The following KTN1 variants were observed in gnomAD, a reference collection of about 807,000 sequenced individuals.
The protein encoded by KTN1 is kinectin 1, also known as kinectin.
KTN1 carries 130 observed loss-of-function variants against 222.5 expected under a neutral mutation model. The observed-to-expected ratio is 0.58, with a 90% CI of 0.51 to 0.68. The LOEUF (loss-of-function observed/expected upper bound fraction) is 0.68, where lower values mean the gene tolerates loss of function less well. Ranked by LOEUF, KTN1 falls within the 30% of genes least tolerant of loss-of-function variation. The pLI is 0.00. For synonymous variants in KTN1, 512 were observed against 496.3 expected, an observed-to-expected ratio of 1.03 and a Z score of -0.42; for missense variants, 1,508 against 1,500.4, an observed-to-expected ratio of 1.01 and a Z score of -0.08.
At chr14:55,584,411 C>A (rs2032481597) in intron 1 of KTN1, among the ~76,000 whole-genome samples, 1 of 152,140 alleles carries the variant, frequency 6.6e-6, no homozygotes, top group Non-Finnish European at 1.5e-5. Flanking sequence ...ATAATAAACA[C>A]AATCAATGAG....
chr14:55,650,566 A>G lies in KTN1; in HGVS notation c.2497-3A>G. 6.2e-7 allele frequency: 1 copy of G among 1,609,400 alleles called. No individual in the cohort carries two copies. Among genetic ancestry groups the G allele is most frequent in the Non-Finnish European group, 8.5e-7 (1 of 1,176,206 alleles). ...CAATCTTGTCTGTTTTGTCATTGTCAAGGATTTGAAACAGGAAATAAAGGC... is the reference window on the plus strand; with the variant it reads ...CAATCTTGTCTGTTTTGTCATTGTCGAGGATTTGAAACAGGAAATAAAGGC... On this transcript the variant is annotated splice_polypyrimidine_tract_variant and splice_region_variant and intron_variant, in intron 23 of 43. Transcript: ENST00000395314.
At chr14:55,665,402 A>G (rs1461105565) in intron 33 of KTN1, among the ~76,000 whole-genome samples, 1 of 152,064 alleles carries the variant, frequency 6.6e-6, no homozygotes, top group East Asian at 1.9e-4. Flanking sequence ...TCTAAAAGAA[A>G]GAATTTTTGT....
chr14:55,639,134 A>ATAAAGCTTTCTCTTAAATACTTTTATGT (rs1566771236), intron 12 of KTN1, 51 bp from the exon 13 acceptor site: 1 of 1,233,544 alleles, frequency 8.1e-7, no homozygotes, highest in Non-Finnish European at 1.2e-6. Context: ...TTGTATAGCT[A>ATAAAGCTTTCTCTTAAATACTTTTATGT]TAAAGCTTTC....
At chr14:55,634,721 A>T in intron 9 of KTN1, 63 bp downstream of exon 9, 1 of 1,446,518 alleles carries the variant, frequency 6.9e-7, no homozygotes, top group Non-Finnish European at 9.4e-7. Context: ...GTTCGTTTTC[A>T]TACTGGTATG....
chr14:55,608,069 A>G (rs1398269472), intron 1 of KTN1, among the ~76,000 whole-genome samples: 5 of 152,200 alleles, frequency 3.3e-5, no homozygotes, highest in African/African-American at 1.2e-4. Context: ...GACTTAGAAA[A>G]TTTTAATGAC....
At chr14:55,632,684 A>G (rs1053096696) in intron 7 of KTN1, among the ~76,000 whole-genome samples, 3 of 152,198 alleles carry the variant, frequency 2.0e-5, no homozygotes, top group African/African-American at 2.4e-5. Flanking sequence ...TTAGAATGGT[A>G]CGTTTTATGT....
chr14:55,642,986 T>C (rs1595050635), intron 18 of KTN1, among the ~76,000 whole-genome samples: 1 of 152,208 alleles, frequency 6.6e-6, no homozygotes, highest in East Asian at 1.9e-4. Flanking sequence ...CTTGGCTCAC[T>C]GTATCCTCCA....
At chr14:55,655,936 C>A in intron 28 of KTN1, 106 bp from the exon 29 acceptor site, 2 of 556,408 alleles carry the variant, frequency 3.6e-6, no homozygotes, top group African/African-American at 1.9e-5. Flanking sequence ...GGAAAAAAAG[C>A]TGGTATGTAT....
In KTN1 at chr14:55,639,302, C is replaced by T. The variant is rs901060570; in HGVS notation, c.1823+80C>T. On this transcript the variant is annotated intron_variant, in intron 13 of 43. Transcript: ENST00000395314. ...TGTTAGATGCGACACTTATGATTAA[C>T]TTTATACCTCTGACGACCTGTTCAG... 33 of 959,622 alleles carry T rather than the reference C, an allele frequency of 3.4e-5. No individual in the cohort carries two copies. In the African/African-American group the frequency reaches 5.6e-4, roughly 16 times the overall value. 59.4% of individuals were successfully genotyped at this position (959,622 alleles called of 1,614,324 possible).
intron 1 of KTN1, among the ~76,000 whole-genome samples, chr14:55,604,730 A>G (rs940301332): frequency 2.0e-5 from 3 of 152,214 alleles, no homozygotes; most frequent in Admixed American, 6.5e-5. Context: ...ACAAATGAAT[A>G]ATAAAGACTA....
At position 55,653,013 on chromosome 14, in the gene KTN1, T is replaced by G. The variant is rs752920853; in HGVS notation, c.2695-4T>G. 6.2e-7 allele frequency: 1 copy of G among 1,600,300 alleles called. No individual in the cohort carries two copies. The highest frequency in any genetic ancestry group is 8.6e-7 in the Non-Finnish European group (1 of 1,169,110). On this transcript the variant is annotated splice_region_variant and splice_polypyrimidine_tract_variant and intron_variant, in intron 26 of 43. Transcript: ENST00000395314. ...CAATTTAATTTACACCTATTCTTTT[T>G]AAGGATCTTCAAGAAGAAAATGAAT...
intron 43 of KTN1, chr14:55,680,588 G>A (rs2046276945): frequency 5.1e-6 from 3 of 590,098 alleles, no homozygotes; most frequent in Non-Finnish European, 9.6e-6. Context: ...ATAATACTGT[G>A]TTGGGCTATA....
intron 2 of KTN1, among the ~76,000 whole-genome samples, chr14:55,615,936 C>T (rs1314484580): frequency 6.7e-6 from 1 of 149,206 alleles, no homozygotes; most frequent in Admixed American, 6.7e-5. Context: ...TTTCTTTCGA[C>T]AGGGTCTTGC....
intron 6 of KTN1, among the ~76,000 whole-genome samples, chr14:55,628,870 T>C (rs1275745194): frequency 1.3e-5 from 2 of 152,212 alleles, no homozygotes; most frequent in South Asian, 2.1e-4. Flanking sequence ...CGCATACTTA[T>C]GATGTGTATA....
intron 32 of KTN1, 52 bp from the exon 33 acceptor site, chr14:55,663,903 A>G: frequency 7.0e-7 from 1 of 1,434,518 alleles, no homozygotes; most frequent in Non-Finnish European, 9.7e-7. Context: ...TAAAAAAGCA[A>G]AAATCTTTCA....
At chr14:55,660,474 CA>C (rs1477335033) in intron 31 of KTN1, among the ~76,000 whole-genome samples, 1 of 146,662 alleles carries the variant, frequency 6.8e-6, no homozygotes, top group Non-Finnish European at 1.5e-5. Context: ...GGTCATTTCA[CA>C]TAAGTTAGTG....
intron 38 of KTN1, 61 bp downstream of exon 38, chr14:55,672,762 C>G: frequency 8.4e-7 from 1 of 1,195,490 alleles, no homozygotes; most frequent in East Asian, 2.3e-5. Flanking sequence ...TAACGGTTGT[C>G]TGAAGATCTA....
In KTN1 at chr14:55,650,647, C is replaced by T. The variant is rs1208309804; in HGVS notation, c.2565+10C>T. Reference sequence around the variant, plus strand: ...TGAAAAGGCTCAACAGGTAAAAATCCCAGAGCCATAGCATGACAGATTTAT... The same window carrying T: ...TGAAAAGGCTCAACAGGTAAAAATCTCAGAGCCATAGCATGACAGATTTAT... On this transcript the variant is annotated intron_variant, in intron 24 of 43. Transcript: ENST00000395314. 6.3e-7 allele frequency: 1 copy of T among 1,584,672 alleles called. No individual in the cohort carries two copies. The highest frequency in any genetic ancestry group is 1.7e-5 in the Admixed American group (1 of 59,608).
chr14:55,637,230 G>T lies in KTN1; in HGVS notation c.1582G>T (p.Glu528Ter). ...LQSKFVAKEN[E>*]VQSLHSKLTD... The stretch of plus-strand genomic sequence containing the variant: ...GAGTAAATTTGTGGCCAAAGAAAAT[G>T]AAGTACAGAGTCTGCATAGTAAGCT... Residue 528 changes from glutamate to a stop codon, truncating the protein, a stop_gained, in exon 11 of 44, where the codon GAA becomes TAA. Transcript: ENST00000395314. LOFTEE classifies it high-confidence loss of function. 6.2e-7 allele frequency: 1 copy of T among 1,606,424 alleles called. No homozygotes were observed. The highest frequency in any genetic ancestry group is 1.1e-5 in the South Asian group (1 of 89,530).
Sources: gnomAD v4.1 joint callset for allele counts (sites outside exome capture counted in the v4.1 genomes callset) on GRCh38, gnomAD v4.1.1 for gene constraint, MANE v1.5 for transcripts, NCBI Gene and HGNC (gene_info 2026-07-23, HGNC 2026-07-21) for gene names.